The following PCDHA1 variants were observed in gnomAD, a reference collection of about 807,000 sequenced individuals.
The protein encoded by PCDHA1 is protocadherin alpha-1.
Under a neutral mutation model 61.3 loss-of-function variants are expected in PCDHA1, and 42 were observed. The ratio of observed to expected loss-of-function variants is 0.69; its 90% CI spans 0.54 to 0.89. The LOEUF (loss-of-function observed/expected upper bound fraction) is 0.89, where lower values mean the gene tolerates loss of function less well. PCDHA1 is among the 40% of genes least tolerant of loss of function. PCDHA1 has a pLI of 0.00. For synonymous variants in PCDHA1, 610 were observed against 553.8 expected (o/e 1.10, Z -1.43); for missense variants, 1,256 against 1,235.3 (o/e 1.02, Z -0.25).
In PCDHA1 at chr5:140,818,435, G is replaced by A. The variant is rs2150101216; in HGVS notation, c.2394+29751G>A. ...TTTTTAAAAATATATTTCTAACTTG[G>A]GTACTGGCTAATGTCAAAAGAAACT... On this transcript the variant is annotated intron_variant, in intron 1 of 3. Coordinates refer to ENST00000504120, the MANE Select transcript of PCDHA1 (RefSeq NM_018900.4). Among the ~76,000 whole-genome samples the A allele has an allele frequency of 4.6e-5, 7 of 152,126 alleles. No homozygotes were observed. In the South Asian group the frequency reaches 1.5e-3, roughly 32 times the overall value.
At chr5:140,842,204 A>T (rs2150331715) in intron 1 of PCDHA1, 1 of 1,613,676 alleles carries the variant, frequency 6.2e-7, no homozygotes, top group Non-Finnish European at 8.5e-7. Context: ...CCACTTTAGC[A>T]TAGATCGAAA....
In PCDHA1 at chr5:140,850,694, G is replaced by A. The variant is rs2150494629; in HGVS notation, c.2394+62010G>A. ...CGATGCCCACCGAGGGCGAGTGCGC[G>A]CCTGGCAAGCCGACGCTGGTGTGTT... On this transcript the variant is annotated intron_variant, in intron 1 of 3. Coordinates refer to ENST00000504120, the MANE Select transcript of PCDHA1 (RefSeq NM_018900.4). 483 of 1,598,228 alleles carry A rather than the reference G, an allele frequency of 3.0e-4. 44 individuals are homozygous for A. Among genetic ancestry groups the A allele is most frequent in the Non-Finnish European group, 3.8e-4 (449 of 1,167,808 alleles).
chr5:140,853,955 T>A, intron 1 of PCDHA1: 1 of 752,642 alleles, frequency 1.3e-6, no homozygotes, highest in Non-Finnish European at 1.7e-6. Flanking sequence ...GGTCCCTTCC[T>A]TGAGCCCAGC....
chr5:140,944,242 C>T (rs969404044), intron 1 of PCDHA1, among the ~76,000 whole-genome samples: 1 of 152,172 alleles, frequency 6.6e-6, no homozygotes, highest in African/African-American at 2.4e-5. Flanking sequence ...GGCTGGAGTG[C>T]AGTGATGTGA....
At chr5:140,989,174 G>T (rs1305141291) in intron 3 of PCDHA1, among the ~76,000 whole-genome samples, 3 of 152,132 alleles carry the variant, frequency 2.0e-5, no homozygotes, top group Non-Finnish European at 4.4e-5. Flanking sequence ...TAAAACAGGA[G>T]AGTTTCTGAA....
intron 1 of PCDHA1, among the ~76,000 whole-genome samples, chr5:140,904,653 A>AGT (rs2071298480): frequency 6.6e-6 from 1 of 152,104 alleles, no homozygotes; most frequent in Non-Finnish European, 1.5e-5. Context: ...TGTTTTCCAT[A>AGT]GTGGTTGTAC....
At chr5:140,937,284 G>A (rs1473374286) in intron 1 of PCDHA1, among the ~76,000 whole-genome samples, 2 of 151,964 alleles carry the variant, frequency 1.3e-5, no homozygotes, top group South Asian at 2.1e-4. Context: ...TGATTCACCC[G>A]CTTCGGCCTC....
chr5:141,001,567 T>A (rs116015618), intron 3 of PCDHA1, among the ~76,000 whole-genome samples: 2 of 152,294 alleles, frequency 1.3e-5, no homozygotes, highest in African/African-American at 4.8e-5. Context: ...ACGATTCTCC[T>A]GTGTTTTGTG....
intron 1 of PCDHA1, chr5:140,967,039 G>GCTGGAC (rs1192512561): frequency 1.2e-6 from 2 of 1,611,626 alleles, no homozygotes; most frequent in Non-Finnish European, 1.7e-6. Flanking sequence ...GCTACCTGGA[G>GCTGGAC]CTGGACCTGA....
intron 1 of PCDHA1, among the ~76,000 whole-genome samples, chr5:140,962,851 C>T (rs2095713637): frequency 1.3e-5 from 2 of 152,114 alleles, no homozygotes; most frequent in South Asian, 4.1e-4. Flanking sequence ...ATAACTTGTG[C>T]TCGGTTTGTA....
At chr5:140,829,947 G>T in intron 1 of PCDHA1, 3 of 1,613,996 alleles carry the variant, frequency 1.9e-6, no homozygotes, top group South Asian at 1.1e-5. Flanking sequence ...AGCAGCGCTC[G>T]CTTCCCGTTT....
chr5:140,991,501 A>G (rs1223011478), intron 3 of PCDHA1, among the ~76,000 whole-genome samples: 1 of 152,216 alleles, frequency 6.6e-6, no homozygotes, highest in East Asian at 1.9e-4. Context: ...AGTGAGTTTC[A>G]CTGGCTAAAA....
At chr5:140,928,639 G>A in intron 1 of PCDHA1, 1 of 1,614,218 alleles carries the variant, frequency 6.2e-7, no homozygotes, top group Non-Finnish European at 8.5e-7. Context: ...GGTCACAAAA[G>A]TGGTAGCAGA....
intron 3 of PCDHA1, among the ~76,000 whole-genome samples, chr5:141,007,395 C>CAAAAAAAAAAAAAA (rs35800918): frequency 1.1e-5 from 1 of 94,866 alleles, no homozygotes; most frequent in Non-Finnish European, 2.1e-5. Context: ...TACTAAAATA[C>CAAAAAAAAAAAAAA]AAAAAAAAAA....
intron 1 of PCDHA1, among the ~76,000 whole-genome samples, chr5:140,798,659 G>A (rs1554120715): frequency 1.3e-5 from 2 of 152,194 alleles, no homozygotes; most frequent in African/African-American, 4.8e-5. Flanking sequence ...TTACCTGGAA[G>A]CATCCATATT....
chr5:140,792,560 G>A (rs1490754084), intron 1 of PCDHA1, among the ~76,000 whole-genome samples: 2 of 152,128 alleles, frequency 1.3e-5, no homozygotes, highest in East Asian at 1.9e-4. Context: ...TTCTATCTCC[G>A]GGGGAAGGGG....
chr5:140,838,097 T>G (rs1554136886), intron 1 of PCDHA1, among the ~76,000 whole-genome samples: 1 of 147,214 alleles, frequency 6.8e-6, no homozygotes, highest in African/African-American at 2.6e-5. Context: ...TGTGTGTGTG[T>G]GTGTGTGTGT....
In PCDHA1 at chr5:140,879,783, G is replaced by C. The variant is rs182330190; in HGVS notation, c.2394+91099G>C. Among the ~76,000 whole-genome samples, 12 of 152,280 alleles carry C rather than the reference G, an allele frequency of 7.9e-5. No homozygotes were observed. In the East Asian group the frequency reaches 2.3e-3, roughly 29 times the overall value. ...TTTGGAGGCCCCAGGGAAGAATCTGGTTTTTGTTTCTTCCAGTTTCTATTG... is the reference window on the plus strand; with the variant it reads ...TTTGGAGGCCCCAGGGAAGAATCTGCTTTTTGTTTCTTCCAGTTTCTATTG... On this transcript the variant is annotated intron_variant, in intron 1 of 3. Coordinates refer to ENST00000504120, the MANE Select transcript of PCDHA1 (RefSeq NM_018900.4).
intron 1 of PCDHA1, among the ~76,000 whole-genome samples, chr5:140,888,469 T>C (rs892080299): frequency 2.0e-5 from 3 of 152,230 alleles, no homozygotes; most frequent in South Asian, 4.1e-4. Flanking sequence ...AAAATGTCAG[T>C]AGTTCCACTG....
Sources: gnomAD v4.1 joint callset for allele counts (sites outside exome capture counted in the v4.1 genomes callset) on GRCh38, gnomAD v4.1.1 for gene constraint, MANE v1.5 for transcripts, NCBI Gene and HGNC (gene_info 2026-07-23, HGNC 2026-07-21) for gene names.